Variants in EYS observed in about 807,000 individuals in gnomAD.
EYS encodes EGF-like photoreceptor maintenance factor.
In EYS, 250 loss-of-function variants were observed where a neutral mutation model predicts 282.1. That is an observed-to-expected ratio of 0.89 (90% CI 0.80 to 0.98). EYS has a LOEUF of 0.98. EYS is among the 50% of genes least tolerant of loss of function. The pLI is 0.00. For synonymous variants in EYS, 1,355 were observed against 1,282.9 expected (o/e 1.06, Z -1.20); for missense variants, 4,016 against 3,709.0 (o/e 1.08, Z -2.15).
In EYS at chr6:65,277,435, A is replaced by AT. The variant is rs945390244; in HGVS notation, c.2023+18427_2023+18428insA. Among the ~76,000 whole-genome samples the AT allele has an allele frequency of 2.0e-4, 17 of 83,496 alleles. No individual in the cohort carries two copies. The South Asian group carries it at 2.6e-3, about 13-fold the overall frequency. The allele number at this position is 83,496 out of a possible 152,430, so 54.8% of individuals were successfully genotyped here. A position where few individuals can be genotyped will look rare whatever the true frequency, so the allele number is the denominator to read the frequency against. ...CCACAGAGTGAGATTCCGTCAAAAA[A>AT]AAAAAAAGTTAATTAATTAAAAAAA... On this transcript the variant is annotated intron_variant, in intron 12 of 42. Coordinates refer to ENST00000503581, the MANE Select transcript of EYS (RefSeq NM_001142800.2).
At chr6:63,799,640 T>C (rs971768818) in intron 37 of EYS, among the ~76,000 whole-genome samples, 5 of 152,186 alleles carry the variant, frequency 3.3e-5, no homozygotes, top group Admixed American at 6.5e-5. Flanking sequence ...ATTAATCTTG[T>C]TGAGGGACAA....
At chr6:64,977,983 C>T (rs1427100885) in intron 14 of EYS, among the ~76,000 whole-genome samples, 13 of 151,820 alleles carry the variant, frequency 8.6e-5, no homozygotes, top group Non-Finnish European at 1.5e-5. Flanking sequence ...GGTGAAGCAG[C>T]AAGTGACAAT....
chr6:64,785,413 A>G (rs939552326), intron 22 of EYS, among the ~76,000 whole-genome samples: 1 of 152,188 alleles, frequency 6.6e-6, no homozygotes, highest in African/African-American at 2.4e-5. Flanking sequence ...TCTTTGAGAA[A>G]ATGTGAACAA....
chr6:65,424,266 A>T (rs969701492), intron 5 of EYS, among the ~76,000 whole-genome samples: 63 of 151,142 alleles, frequency 4.2e-4, no homozygotes, highest in African/African-American at 1.5e-3. Flanking sequence ...TTTTATTTCT[A>T]TTTTTTTCTT....
rs200436283 is a variant in EYS, at chr6:65,546,015, C to CT, written c.-332-50023dup. ...AAAATTTAATTAAAAAATATTTTAA[C>CT]TTTTTTTTGTTGTTTTTTTTTTGAG... On this transcript the variant is annotated intron_variant, in intron 2 of 42. Transcript: ENST00000503581. Among the ~76,000 whole-genome samples the CT allele has an allele frequency of 1.8e-3, 272 of 148,222 alleles. 1 individual carries two copies. The highest frequency in any genetic ancestry group is 7.0e-3 in the Middle Eastern group (2 of 286).
At chr6:65,355,966 T>C (rs1024873962) in intron 8 of EYS, among the ~76,000 whole-genome samples, 2 of 152,036 alleles carry the variant, frequency 1.3e-5, no homozygotes, top group African/African-American at 4.8e-5. Flanking sequence ...ATCCAGCAAT[T>C]GCACTACCGG....
chr6:64,686,331 GA>G (rs1770098159), intron 22 of EYS, among the ~76,000 whole-genome samples: 1 of 151,696 alleles, frequency 6.6e-6, no homozygotes, highest in Non-Finnish European at 1.5e-5. Context: ...TAAAAATGTT[GA>G]TTTTTTGAAA....
chr6:64,839,319 T>C (rs1765490730), intron 19 of EYS, among the ~76,000 whole-genome samples: 2 of 152,052 alleles, frequency 1.3e-5, no homozygotes, highest in South Asian at 2.1e-4. Context: ...ACCAGTTACA[T>C]AATAATTTTA....
At chr6:63,943,866 C>A (rs924356953) in intron 35 of EYS, among the ~76,000 whole-genome samples, 1 of 152,200 alleles carries the variant, frequency 6.6e-6, no homozygotes, top group African/African-American at 2.4e-5. Flanking sequence ...GCTGACCAAA[C>A]AGATATACCT....
At chr6:63,791,031 G>C (rs1458031612) in intron 37 of EYS, among the ~76,000 whole-genome samples, 1 of 152,184 alleles carries the variant, frequency 6.6e-6, no homozygotes, top group Admixed American at 6.5e-5. Flanking sequence ...GGAGGAGATA[G>C]GAGGTTTGTT....
rs2149625000 is a variant in EYS at position 63,721,413 on chromosome 6, TCA to T, written c.8616_8617del (p.Asp2873LeufsTer2). On this transcript the variant is annotated frameshift_variant, in exon 43 of 43. Coordinates refer to ENST00000503581, the MANE Select transcript of EYS (RefSeq NM_001142800.2). LOFTEE classifies it low-confidence loss of function (END_TRUNC). The stretch of plus-strand genomic sequence containing the variant: ...GTACCCACAGGCTGTCCCATCACAG[TCA>T]CCTACATTTGAGCCACCTTTTGCTC... 1 of 1,551,736 alleles carries T rather than the reference TCA, an allele frequency of 6.4e-7. No individual in the cohort carries two copies. Among genetic ancestry groups the T allele is most frequent in the Non-Finnish European group, 8.7e-7 (1 of 1,146,950 alleles).
At chr6:65,563,173 G>C (rs971818921) in intron 2 of EYS, among the ~76,000 whole-genome samples, 3 of 152,070 alleles carry the variant, frequency 2.0e-5, no homozygotes, top group African/African-American at 7.2e-5. Context: ...AGACAATCTT[G>C]AATTTATGTC....
rs1767110529 is a variant in EYS at position 65,413,555 on chromosome 6, A to G, written c.863-8188T>C. On this transcript the variant is annotated intron_variant, in intron 5 of 42. Coordinates refer to ENST00000503581, the MANE Select transcript of EYS (RefSeq NM_001142800.2). ...AGAAATAATGGAATGAGTCCTGTGGATAGGTTGTTTAAGAGCAAAGTGGGC... is the reference window on the plus strand; with the variant it reads ...AGAAATAATGGAATGAGTCCTGTGGGTAGGTTGTTTAAGAGCAAAGTGGGC... 2.0e-5 allele frequency among the ~76,000 whole-genome samples: 3 copies of G among 152,096 alleles called. No homozygotes were observed. The South Asian group carries it at 6.2e-4, about 32-fold the overall frequency.
intron 1 of EYS, among the ~76,000 whole-genome samples, chr6:65,669,960 C>T (rs1198338857): frequency 6.6e-6 from 1 of 151,718 alleles, no homozygotes; most frequent in African/African-American, 2.4e-5. Flanking sequence ...TATAGTTAGT[C>T]CTAATAAAAA....
chr6:64,954,011 A>C (rs1196495962), intron 14 of EYS, among the ~76,000 whole-genome samples: 1 of 674 alleles, frequency 1.5e-3, no homozygotes, highest in African/African-American at 0.042. Flanking sequence ...ATTAGTAACA[A>C]AAAAAAAAGC....
At chr6:64,180,313 T>C (rs1427310235) in intron 31 of EYS, among the ~76,000 whole-genome samples, 1 of 152,172 alleles carries the variant, frequency 6.6e-6, no homozygotes, top group Non-Finnish European at 1.5e-5. Flanking sequence ...TGTGTAATCC[T>C]CCATTGTATT....
At chr6:63,789,686 G>C (rs144546103) in intron 37 of EYS, among the ~76,000 whole-genome samples, 159 of 152,314 alleles carry the variant, frequency 1.0e-3, no homozygotes, top group African/African-American at 3.5e-3. Flanking sequence ...CTAAGAATAT[G>C]TTATCATTAT....
At chr6:65,619,882 C>G (rs1582528500) in intron 2 of EYS, among the ~76,000 whole-genome samples, 1 of 150,818 alleles carries the variant, frequency 6.6e-6, no homozygotes, top group Non-Finnish European at 1.5e-5. Flanking sequence ...GTTGAACCAG[C>G]CTTGCATCCC....
chr6:64,987,760 CACA>C (rs1234567870), intron 14 of EYS, among the ~76,000 whole-genome samples: 1 of 151,424 alleles, frequency 6.6e-6, no homozygotes, highest in Admixed American at 6.6e-5. Flanking sequence ...CCTGGAAAGA[CACA>C]CCTCAGAACA....
Sources: gnomAD v4.1 joint callset for allele counts (sites outside exome capture counted in the v4.1 genomes callset) on GRCh38, gnomAD v4.1.1 for gene constraint, MANE v1.5 for transcripts, NCBI Gene and HGNC (gene_info 2026-07-23, HGNC 2026-07-21) for gene names.